The following LCORL variants were observed in gnomAD, a reference collection of about 807,000 sequenced individuals.
LCORL encodes the protein ligand-dependent nuclear receptor corepressor-like protein.
In LCORL, 41 loss-of-function variants were observed where a neutral mutation model predicts 141.8. The observed-to-expected ratio is 0.29, with a 90% confidence interval of 0.23 to 0.38. The LOEUF (loss-of-function observed/expected upper bound fraction) is 0.38, where lower values mean the gene tolerates loss of function less well. Among genes scored for constraint, LCORL ranks in the 10% least tolerant of loss-of-function variants. The pLI is 1.00. For synonymous variants in LCORL, 618 were observed against 694.1 expected, an observed-to-expected ratio of 0.89 and a Z score of 1.72; for missense variants, 1,759 against 2,035.0, an observed-to-expected ratio of 0.86 and a Z score of 2.61.
At chr4:18,008,333 C>T (rs934380410) in intron 1 of LCORL, among the ~76,000 whole-genome samples, 37 of 152,134 alleles carry the variant, frequency 2.4e-4, no homozygotes, top group African/African-American at 8.9e-4. Flanking sequence ...ATACAGAAGT[C>T]CCGGTTCTCT....
chr4:17,879,357 C>T (rs1416930510), intron 6 of LCORL, among the ~76,000 whole-genome samples: 1 of 150,820 alleles, frequency 6.6e-6, no homozygotes, highest in Non-Finnish European at 1.5e-5. Flanking sequence ...AAATTTTAAA[C>T]ATGTGATCAA....
At chr4:17,959,342 G>A (rs1713321148) in intron 4 of LCORL, among the ~76,000 whole-genome samples, 1 of 151,974 alleles carries the variant, frequency 6.6e-6, no homozygotes, top group Non-Finnish European at 1.5e-5. Context: ...AAGAGTCTAG[G>A]TGCTCCTCAC....
rs1560496913 is a variant in LCORL, at chr4:18,021,575, G to A, written c.154+23C>T. On this transcript the variant is annotated intron_variant, in intron 1 of 7. Coordinates refer to ENST00000635767, the Ensembl canonical transcript of LCORL. The surrounding 1 kb of genome is among the most constrained non-coding windows in gnomAD (Gnocchi z 5.5). Reference sequence around the variant, plus strand: ...CAGCGGTCGCCGCGCGGAGCCCGGGGCCCCGGCCCGCGTCTCTCTTACCTA... The same window carrying A: ...CAGCGGTCGCCGCGCGGAGCCCGGGACCCCGGCCCGCGTCTCTCTTACCTA... The A allele has an allele frequency of 6.6e-6, 10 of 1,511,222 alleles. No individual in the cohort carries two copies. Among genetic ancestry groups the A allele is most frequent in the Non-Finnish European group, 7.1e-6 (8 of 1,130,616 alleles). 93.6% of individuals were successfully genotyped at this position (1,511,222 alleles called of 1,614,324 possible). A position where few individuals can be genotyped will look rare whatever the true frequency, so the allele number is the denominator to read the frequency against.
chr4:17,959,678 T>C (rs1477394872), intron 4 of LCORL, among the ~76,000 whole-genome samples: 3 of 152,012 alleles, frequency 2.0e-5, no homozygotes, highest in Non-Finnish European at 4.4e-5. Flanking sequence ...TATTAGAAGA[T>C]TTCTTTGTGT....
chr4:17,940,544 A>T (rs1316763496), intron 4 of LCORL, among the ~76,000 whole-genome samples: 2 of 149,556 alleles, frequency 1.3e-5, no homozygotes, highest in African/African-American at 4.9e-5. Context: ...ATGCATTAAA[A>T]TATAAAATCT....
chr4:17,918,797 G>GA (rs1233588973), intron 4 of LCORL, among the ~76,000 whole-genome samples: 4 of 151,826 alleles, frequency 2.6e-5, no homozygotes, highest in Non-Finnish European at 5.9e-5. Context: ...AAAAATATTT[G>GA]AAAAAAATGG....
chr4:17,844,669 A>T (rs2109081505), exon 8 of LCORL: 1 of 152,438 alleles, frequency 6.6e-6, no homozygotes, highest in East Asian at 1.9e-4. Context: ...TTTTAAAGAC[A>T]ATTTGCAGGG....
At chr4:17,900,892 A>G (rs1048389533) in intron 5 of LCORL, among the ~76,000 whole-genome samples, 3 of 152,152 alleles carry the variant, frequency 2.0e-5, no homozygotes, top group Non-Finnish European at 4.4e-5. Flanking sequence ...TCCACAATTG[A>G]TGAGATTTCT....
rs111746514 is a variant in LCORL at position 17,920,346 on chromosome 4, T to G, written c.431-11001A>C. 4.2e-3 allele frequency among the ~76,000 whole-genome samples: 645 copies of G among 152,344 alleles called. 2 individuals are homozygous for G. The highest frequency in any genetic ancestry group is 0.015 in the African/African-American group (605 of 41,570). On this transcript the variant is annotated intron_variant, in intron 4 of 7. Coordinates refer to ENST00000635767, the Ensembl canonical transcript of LCORL. ...AAAAACGCAGACATTGACAGAGTTT[T>G]TCCTGACCAAATACCTTAATTTAAG...
At chr4:17,979,337 T>C (rs13110845) in intron 1 of LCORL, among the ~76,000 whole-genome samples, 1 of 152,164 alleles carries the variant, frequency 6.6e-6, no homozygotes, top group East Asian at 1.9e-4. Flanking sequence ...GCATATATGG[T>C]CCAGTTTCCT....
intron 7 of LCORL, among the ~76,000 whole-genome samples, chr4:17,861,848 A>G (rs957068789): frequency 6.6e-6 from 1 of 152,208 alleles, no homozygotes; most frequent in African/African-American, 2.4e-5. Context: ...AAATGTTGCC[A>G]GTCTCTTTGC....
At chr4:17,855,876 G>A (rs536007191) in intron 7 of LCORL, among the ~76,000 whole-genome samples, 2 of 152,186 alleles carry the variant, frequency 1.3e-5, no homozygotes, top group Admixed American at 6.5e-5. Context: ...GGGGTAGTTT[G>A]TAATATAGCA....
At chr4:17,932,520 TACTTC>T (rs1348719112) in intron 4 of LCORL, among the ~76,000 whole-genome samples, 1 of 152,164 alleles carries the variant, frequency 6.6e-6, no homozygotes, top group Non-Finnish European at 1.5e-5. Context: ...GAATTTTTCC[TACTTC>T]ATTTCCCACT....
At chr4:17,913,030 A>C (rs138513132) in intron 4 of LCORL, 101 of 246,368 alleles carry the variant, frequency 4.1e-4, no homozygotes, top group African/African-American at 2.2e-3. Context: ...TAAAAAGTTC[A>C]GGGGTCAAAA....
At chr4:17,914,416 T>C (rs569853478) in intron 4 of LCORL, among the ~76,000 whole-genome samples, 3 of 152,326 alleles carry the variant, frequency 2.0e-5, no homozygotes, top group South Asian at 2.1e-4. Context: ...TACTTTAGGA[T>C]TGAATTTACA....
chr4:17,862,645 T>C (rs577126006), intron 7 of LCORL, among the ~76,000 whole-genome samples: 18 of 152,310 alleles, frequency 1.2e-4, no homozygotes, highest in African/African-American at 4.1e-4. Context: ...ATTCAGTATA[T>C]GGTGCTGGGA....
At chr4:17,921,493 T>C (rs1734295384) in intron 4 of LCORL, among the ~76,000 whole-genome samples, 1 of 152,188 alleles carries the variant, frequency 6.6e-6, no homozygotes, top group Non-Finnish European at 1.5e-5. Context: ...CCTTGATCCA[T>C]GGGCTACAGA....
chr4:17,982,099 CGTGTGTGTGTGTGT>C lies in LCORL; in HGVS notation c.155-9228_155-9215del, dbSNP rs57094203. Among the ~76,000 whole-genome samples the C allele has an allele frequency of 1.8e-3, 251 of 136,582 alleles. 2 individuals carry two copies. The highest frequency in any genetic ancestry group is 3.8e-3 in the African/African-American group (135 of 35,648). 89.6% of individuals were successfully genotyped at this position (136,582 alleles called of 152,430 possible). A position where few individuals can be genotyped will look rare whatever the true frequency, so the allele number is the denominator to read the frequency against. Reference sequence around the variant, plus strand: ...TTTTCATGGCTGCATAGTATTCCATCGTGTGTGTGTGTGTGTGTGTGTGTGTGTGTGTGTGTGTG... The same window carrying C: ...TTTTCATGGCTGCATAGTATTCCATCGTGTGTGTGTGTGTGTGTGTGTGTG... On this transcript the variant is annotated intron_variant, in intron 1 of 7. Transcript: ENST00000635767.
At chr4:17,920,867 T>C (rs113866755) in intron 4 of LCORL, among the ~76,000 whole-genome samples, 2,942 of 152,304 alleles carry the variant, frequency 0.019, 27 homozygotes, top group Middle Eastern at 0.024. Context: ...TACTTCTCTT[T>C]CTAGTTCTCT....
Sources: allele counts gnomAD v4.1 joint callset (sites outside exome capture counted in the v4.1 genomes callset), GRCh38; gene constraint gnomAD v4.1.1; non-coding constraint Gnocchi (gnomAD v3.1); transcripts MANE v1.5; gene names NCBI Gene and HGNC (gene_info 2026-07-23, HGNC 2026-07-21).